Variants in PCNX2 observed in about 807,000 individuals in gnomAD.
The protein encoded by PCNX2 is pecanex 2.
In PCNX2, 168 loss-of-function variants were observed where a neutral mutation model predicts 223.8. That is an observed-to-expected ratio of 0.75 (90% CI 0.66 to 0.85). The LOEUF (loss-of-function observed/expected upper bound fraction) is 0.85. Ranked by LOEUF, PCNX2 falls within the 40% of genes least tolerant of loss-of-function variation. PCNX2 has a pLI of 0.00. For synonymous variants in PCNX2, 1,006 were observed against 1,052.6 expected (o/e 0.96, Z 0.86); for missense variants, 2,507 against 2,675.5 (o/e 0.94, Z 1.39).
At chr1:233,116,513 A>G (rs767155015) in intron 21 of PCNX2, among the ~76,000 whole-genome samples, 10 of 152,098 alleles carry the variant, frequency 6.6e-5, no homozygotes, top group Non-Finnish European at 1.3e-4. Context: ...ACACAAAAAT[A>G]TCCAAACCCT....
At chr1:233,157,496 A>G (rs1678199347) in intron 19 of PCNX2, among the ~76,000 whole-genome samples, 1 of 152,128 alleles carries the variant, frequency 6.6e-6, no homozygotes, top group South Asian at 2.1e-4. Context: ...CTGCCCTGGA[A>G]CCACTGTGTC....
rs979408847 is a variant in PCNX2 at position 233,295,583 on chromosome 1, CCCGCCGTCGCCG to C, written c.-117_-106del. ...AACACCCGGGCCCGCGGGCCGCGCC[CCCGCCGTCGCCG>C]CCGCCGTCGCCCCCGCCGCCTCCTT... On this transcript the variant is annotated 5_prime_UTR_variant, in exon 1 of 34. Transcript: ENST00000258229. This position sits in a 1 kb window ranked among gnomAD's most constrained non-coding sequence, Gnocchi z 4.1. 2.8e-5 allele frequency: 34 copies of C among 1,198,138 alleles called. No individual in the cohort carries two copies. The highest frequency in any genetic ancestry group is 1.9e-4 in the African/African-American group (12 of 62,662). The allele number at this position is 1,198,138 out of a possible 1,614,324, so 74.2% of individuals were successfully genotyped here. A position where few individuals can be genotyped will look rare whatever the true frequency, so the allele number is the denominator to read the frequency against.
intron 21 of PCNX2, among the ~76,000 whole-genome samples, chr1:233,113,256 C>T (rs1675216564): frequency 6.6e-6 from 1 of 152,186 alleles, no homozygotes; most frequent in Non-Finnish European, 1.5e-5. Flanking sequence ...TGGCCCTGTG[C>T]TAACTCCCCA....
chr1:233,066,390 C>T (rs1009738777), intron 23 of PCNX2, among the ~76,000 whole-genome samples: 1 of 152,222 alleles, frequency 6.6e-6, no homozygotes, highest in East Asian at 1.9e-4. Context: ...AAAGCTATAA[C>T]ACCCCCTTGG....
chr1:233,156,903 G>A (rs567341574), intron 19 of PCNX2, among the ~76,000 whole-genome samples: 2 of 152,112 alleles, frequency 1.3e-5, no homozygotes, highest in East Asian at 1.9e-4. Flanking sequence ...GGGTGATAGA[G>A]TGAGATTCAG....
At chr1:233,217,755 T>C (rs1176886465) in intron 12 of PCNX2, 144 bp downstream of exon 12, 15 of 828,762 alleles carry the variant, frequency 1.8e-5, no homozygotes, top group Non-Finnish European at 2.3e-5. Flanking sequence ...CATGCACTTA[T>C]ATATATATAT....
chr1:233,130,605 C>T (rs1049389626), intron 21 of PCNX2, among the ~76,000 whole-genome samples: 2 of 151,928 alleles, frequency 1.3e-5, no homozygotes, highest in African/African-American at 4.8e-5. Flanking sequence ...CTGCCTCAGC[C>T]TCCTGAGTAG....
chr1:233,137,978 TG>T (rs1676905784), intron 20 of PCNX2, among the ~76,000 whole-genome samples: 1 of 152,222 alleles, frequency 6.6e-6, no homozygotes, highest in Non-Finnish European at 1.5e-5. Flanking sequence ...AGGGAGGGGC[TG>T]GGCTTCTCTG....
At chr1:233,095,925 A>G in intron 21 of PCNX2, 62 bp from the exon 22 acceptor site, 2 of 1,240,138 alleles carry the variant, frequency 1.6e-6, no homozygotes, top group South Asian at 1.3e-5. Context: ...AACTGCATCA[A>G]GGTCACTTAA....
At chr1:233,178,983 C>T (rs900681105) in intron 16 of PCNX2, 83 bp downstream of exon 16, 16 of 1,212,890 alleles carry the variant, frequency 1.3e-5, no homozygotes, top group Admixed American at 1.1e-4. Flanking sequence ...GAATTGCTGT[C>T]TGCCCATCTC....
At chr1:233,293,184 T>G (rs1661870447) in intron 1 of PCNX2, among the ~76,000 whole-genome samples, 1 of 152,278 alleles carries the variant, frequency 6.6e-6, no homozygotes, top group East Asian at 1.9e-4. Flanking sequence ...CCCATATGCA[T>G]AGGAAAAAAC....
chr1:233,208,592 G>C lies in PCNX2; in HGVS notation c.2789C>G (p.Pro930Arg), dbSNP rs754406993. The C allele has an allele frequency of 2.5e-6, 4 of 1,613,750 alleles. No individual in the cohort carries two copies. Among genetic ancestry groups the C allele is most frequent in the East Asian group, 4.5e-5 (2 of 44,852 alleles). ...CAGGCCATACACAACGTAACTGGGA[G>C]GGTGCCTGGCTTTGGCCCCTGTATC... ...LLDTGAKARH[P>R]PSYVVYGLKL... The change falls in exon 13 of 34, where the codon CCT becomes CGT. Residue 930 changes from proline (P) to arginine (R), a missense_variant. Pro to Arg is a moderately radical substitution (Grantham distance 103). Around this residue, in one of 3 missense-constraint regions of PCNX2, gnomAD observed 104 missense variants for 144.4 expected, o/e 0.72. Coordinates refer to ENST00000258229, the MANE Select transcript of PCNX2 (RefSeq NM_014801.4).
chr1:233,128,210 T>C (rs1444677516), intron 21 of PCNX2, among the ~76,000 whole-genome samples: 2 of 152,238 alleles, frequency 1.3e-5, no homozygotes, highest in African/African-American at 4.8e-5. Flanking sequence ...TGTAGAATTT[T>C]ATGTCTAATG....
intron 23 of PCNX2, among the ~76,000 whole-genome samples, chr1:233,080,139 T>C (rs6693854): frequency 0.34 from 51,068 of 152,086 alleles, 11,162 homozygotes; most frequent in African/African-American, 0.63. Context: ...GTGAGATTTA[T>C]TGACTTCAAA....
At chr1:233,214,947 C>T (rs1441974267) in intron 12 of PCNX2, among the ~76,000 whole-genome samples, 4 of 152,160 alleles carry the variant, frequency 2.6e-5, no homozygotes, top group Admixed American at 2.6e-4. Flanking sequence ...TCAAAATATG[C>T]CACCTGTGCT....
At chr1:233,252,319 T>G (rs1659502522) in intron 7 of PCNX2, 35 bp downstream of exon 7, 2 of 1,576,670 alleles carry the variant, frequency 1.3e-6, no homozygotes, top group South Asian at 1.2e-5. Flanking sequence ...CAGTTTTCCC[T>G]GCTTGTTCAT....
At chr1:233,230,006 C>G (rs1049648348) in intron 9 of PCNX2, among the ~76,000 whole-genome samples, 1 of 152,140 alleles carries the variant, frequency 6.6e-6, no homozygotes, top group Non-Finnish European at 1.5e-5. Flanking sequence ...ATTTTAATAT[C>G]ATTCATGTTT....
In PCNX2 at chr1:233,258,369, G is replaced by T. The variant is rs1252674739; in HGVS notation, c.1493C>A (p.Pro498His). The T allele has an allele frequency of 1.2e-6, 2 of 1,613,910 alleles. No homozygotes were observed. The highest frequency in any genetic ancestry group is 1.7e-6 in the Non-Finnish European group (2 of 1,179,906). Residue 498 changes from proline (P) to histidine (H), a missense_variant, in exon 5 of 34, where the codon CCT becomes CAT. Coordinates refer to ENST00000258229, the MANE Select transcript of PCNX2 (RefSeq NM_014801.4). ...CACCTTAGACTCGGAGCCTGTATCA[G>T]GTGTAAGCCGGGACACCGATTCCCA... is the stretch of plus-strand genomic sequence containing the variant. The part of the protein sequence containing the change: ...EPWESVSRLT[P>H]DTGSESKVGK...
chr1:233,103,770 C>G (rs1318464809), intron 21 of PCNX2, among the ~76,000 whole-genome samples: 1 of 152,136 alleles, frequency 6.6e-6, no homozygotes, highest in Non-Finnish European at 1.5e-5. Context: ...CTTCAATATA[C>G]TGATTTCCCT....
Sources: allele counts gnomAD v4.1 joint callset (sites outside exome capture counted in the v4.1 genomes callset), GRCh38; gene constraint gnomAD v4.1.1; regional missense constraint gnomAD v4.1.1; non-coding constraint Gnocchi (gnomAD v3.1); transcripts MANE v1.5; gene names NCBI Gene and HGNC (gene_info 2026-07-23, HGNC 2026-07-21).